The following ADAP2 variants were observed in gnomAD, a reference collection of about 807,000 sequenced individuals.
The protein encoded by ADAP2 is arf-GAP with dual PH domain-containing protein 2.
Under a neutral mutation model 54.9 loss-of-function variants are expected in ADAP2, and 42 were observed. The observed-to-expected ratio is 0.77, with a 90% CI of 0.60 to 0.99. The LOEUF (loss-of-function observed/expected upper bound fraction) is 0.99. Ranked by LOEUF, ADAP2 falls within the 50% of genes least tolerant of loss-of-function variation. The pLI is 0.00. For synonymous variants in ADAP2, 177 were observed against 180.1 expected, an observed-to-expected ratio of 0.98 and a Z score of 0.14; for missense variants, 429 against 480.4, an observed-to-expected ratio of 0.89 and a Z score of 1.00.
chr17:30,939,919 C>T (rs1346966455), intron 5 of ADAP2, among the ~76,000 whole-genome samples: 1 of 152,048 alleles, frequency 6.6e-6, no homozygotes, highest in African/African-American at 2.4e-5. Flanking sequence ...ATTGAGGGTC[C>T]TGGGAATTTA....
chr17:30,958,034 T>C lies in ADAP2; in HGVS notation c.*165T>C. On this transcript the variant is annotated 3_prime_UTR_variant, in exon 11 of 11. Coordinates refer to ENST00000330889, the MANE Select transcript of ADAP2 (RefSeq NM_018404.3). ...GCTGTGGCTTTATCCATCAGCTCCC[T>C]GGGCCTTCCCCGCAACCCACCTCGG... The C allele has an allele frequency of 1.5e-6, 1 of 687,218 alleles. No individual in the cohort carries two copies. Among genetic ancestry groups the C allele is most frequent in the Non-Finnish European group, 2.6e-6 (1 of 390,474 alleles). The allele number at this position is 687,218 out of a possible 1,614,324, so 42.6% of individuals were successfully genotyped here.
At chr17:30,938,988 A>C (rs1427372634) in intron 5 of ADAP2, among the ~76,000 whole-genome samples, 1 of 152,194 alleles carries the variant, frequency 6.6e-6, no homozygotes, top group Non-Finnish European at 1.5e-5. Context: ...ATAATATAAA[A>C]GGTCTGTCCA....
At position 30,958,135 on chromosome 17, in the gene ADAP2, C is replaced by T. The variant is rs1196276518; in HGVS notation, c.*266C>T. 1 of 484,984 alleles carries T rather than the reference C, an allele frequency of 2.1e-6. No individual in the cohort carries two copies. The highest frequency in any genetic ancestry group is 3.7e-6 in the Non-Finnish European group (1 of 267,940). 30.0% of individuals were successfully genotyped at this position (484,984 alleles called of 1,614,324 possible). On this transcript the variant is annotated 3_prime_UTR_variant, in exon 11 of 11. Transcript: ENST00000330889. The stretch of plus-strand genomic sequence containing the variant: ...ACACACCTAGGCTTGAAATGCCCTA[C>T]AGGCCCAGAACTTTCTCACATCTGA...
intron 3 of ADAP2, among the ~76,000 whole-genome samples, chr17:30,928,766 G>A (rs1310143412): frequency 6.6e-6 from 1 of 152,110 alleles, no homozygotes; most frequent in Admixed American, 6.6e-5. Context: ...TGGAGGTGAG[G>A]GTTAGTGTGG....
chr17:30,955,193 T>G (rs1485063145), intron 9 of ADAP2, among the ~76,000 whole-genome samples: 1 of 151,902 alleles, frequency 6.6e-6, no homozygotes, highest in African/African-American at 2.4e-5. Flanking sequence ...CATTGCAACC[T>G]TGAACTTCTG....
intron 5 of ADAP2, among the ~76,000 whole-genome samples, chr17:30,938,087 T>C (rs776272869): frequency 7.2e-5 from 11 of 152,232 alleles, no homozygotes; most frequent in Non-Finnish European, 1.5e-4. Context: ...TTTGGTTATG[T>C]GTTGCTGAGT....
At chr17:30,942,765 A>G (rs1005402411) in intron 5 of ADAP2, among the ~76,000 whole-genome samples, 1 of 152,242 alleles carries the variant, frequency 6.6e-6, no homozygotes, top group African/African-American at 2.4e-5. Flanking sequence ...CACTTCTCAA[A>G]GAAGACATAC....
chr17:30,922,063 G>C lies in ADAP2; in HGVS notation c.49G>C (p.Ala17Pro). The C allele has an allele frequency of 7.9e-7, 1 of 1,273,638 alleles. No homozygotes were observed. Among genetic ancestry groups the C allele is most frequent in the Non-Finnish European group, 9.9e-7 (1 of 1,015,060 alleles). The allele number at this position is 1,273,638 out of a possible 1,614,324, so 78.9% of individuals were successfully genotyped here. A position where few individuals can be genotyped will look rare whatever the true frequency, so the allele number is the denominator to read the frequency against. The change falls in exon 1 of 11, where the codon GCG (alanine) becomes CCG (proline). Residue 17 changes from alanine to proline, a missense_variant. Transcript: ENST00000330889. ...NKKRLLELLR[A>P]PDTGNAHCAD... is the part of the protein sequence containing the mutation. ...GAAGCGGCTGCTGGAGCTGCTGCGG[G>C]CGCCGGACACAGGCAACGCGCACTG...
At chr17:30,951,230 G>A (rs1238660618) in intron 7 of ADAP2, among the ~76,000 whole-genome samples, 1 of 152,292 alleles carries the variant, frequency 6.6e-6, no homozygotes, top group Non-Finnish European at 1.5e-5. Flanking sequence ...GACTTGCCTA[G>A]GTGATAGTAC....
At chr17:30,926,140 C>T (rs980149097) in intron 2 of ADAP2, among the ~76,000 whole-genome samples, 1 of 152,178 alleles carries the variant, frequency 6.6e-6, no homozygotes, top group African/African-American at 2.4e-5. Context: ...CACAGCCTAG[C>T]GGCCCCTGCA....
chr17:30,947,237 G>GAC (rs1912743082), intron 6 of ADAP2, among the ~76,000 whole-genome samples: 1 of 152,216 alleles, frequency 6.6e-6, no homozygotes, highest in Non-Finnish European at 1.5e-5. Context: ...GGAGCAAACA[G>GAC]ACATGTATGC....
intron 5 of ADAP2, among the ~76,000 whole-genome samples, chr17:30,939,711 C>T (rs1174533795): frequency 6.9e-6 from 1 of 145,132 alleles, no homozygotes; most frequent in Non-Finnish European, 1.5e-5. Context: ...GCGGAGCTTG[C>T]AGTGAGCCGA....
chr17:30,953,070 G>A (rs891069085), intron 7 of ADAP2, among the ~76,000 whole-genome samples: 1 of 152,102 alleles, frequency 6.6e-6, no homozygotes, highest in African/African-American at 2.4e-5. Flanking sequence ...ACCAAAACTC[G>A]GCCGTGCCAC....
intron 8 of ADAP2, 56 bp from the exon 9 acceptor site, chr17:30,954,422 C>A: frequency 6.5e-7 from 1 of 1,532,344 alleles, no homozygotes; most frequent in Non-Finnish European, 9.0e-7. Flanking sequence ...GGCCCCTGAC[C>A]TCTATCCTCA....
intron 4 of ADAP2, among the ~76,000 whole-genome samples, chr17:30,932,759 G>A (rs545933617): frequency 6.5e-4 from 99 of 151,660 alleles, no homozygotes; most frequent in Non-Finnish European, 9.7e-4. Context: ...TAGTAAAGAC[G>A]GGGTTTTACC....
chr17:30,936,643 G>A (rs1445068787), intron 5 of ADAP2, among the ~76,000 whole-genome samples: 10 of 152,130 alleles, frequency 6.6e-5, no homozygotes, highest in African/African-American at 1.7e-4. Context: ...TTGGCCGGGC[G>A]CGGTGGCTCA....
At position 30,931,987 on chromosome 17, in the gene ADAP2, C is replaced by T. The variant is rs766360745; in HGVS notation, c.397+19C>T. 4 of 1,609,030 alleles carry T rather than the reference C, an allele frequency of 2.5e-6. No homozygotes were observed. Among genetic ancestry groups the T allele is most frequent in the African/African-American group, 1.3e-5 (1 of 74,722 alleles). On this transcript the variant is annotated intron_variant, in intron 4 of 10. Transcript: ENST00000330889. ...CTCCCAGGTAAAGTTATTTCCATCA[C>T]CTTTTGAAATCTATGTTTTAATGAG...
At chr17:30,922,488 C>T (rs1220303230) in intron 1 of ADAP2, among the ~76,000 whole-genome samples, 1 of 152,176 alleles carries the variant, frequency 6.6e-6, no homozygotes, top group Non-Finnish European at 1.5e-5. Context: ...GCGCCCCACG[C>T]CCTCGGACTC....
At chr17:30,938,922 A>G (rs1017338456) in intron 5 of ADAP2, among the ~76,000 whole-genome samples, 10 of 152,178 alleles carry the variant, frequency 6.6e-5, no homozygotes, top group African/African-American at 2.4e-4. Context: ...CTTGATCACT[A>G]CACATTATAT....
Sources: allele counts gnomAD v4.1 joint callset (sites outside exome capture counted in the v4.1 genomes callset), GRCh38; gene constraint gnomAD v4.1.1; transcripts MANE v1.5; gene names NCBI Gene and HGNC (gene_info 2026-07-23, HGNC 2026-07-21).